Variants in ALDH1A3 observed in about 807,000 individuals in gnomAD.
The protein encoded by ALDH1A3 is retinaldehyde dehydrogenase 3.
Under a neutral mutation model 57.5 loss-of-function variants are expected in ALDH1A3, and 28 were observed. The ratio of observed to expected loss-of-function variants is 0.49; its 90% CI spans 0.36 to 0.67. The LOEUF is 0.67. ALDH1A3 is among the 30% of genes least tolerant of loss of function. The pLI, the probability that ALDH1A3 is intolerant of heterozygous loss-of-function variation, is 0.00. For missense variants in ALDH1A3, 507 were observed against 669.4 expected (o/e 0.76, Z 2.68); for synonymous variants, 281 against 264.8 (o/e 1.06, Z -0.59).
At chr15:100,882,088 G>A (rs955074607) in intron 1 of ALDH1A3, among the ~76,000 whole-genome samples, 3 of 152,220 alleles carry the variant, frequency 2.0e-5, no homozygotes, top group African/African-American at 4.8e-5. Context: ...GAGAGCAGAC[G>A]GTGGAGCATG....
intron 2 of ALDH1A3, among the ~76,000 whole-genome samples, chr15:100,885,766 CTT>C (rs776780786): frequency 6.6e-6 from 1 of 151,224 alleles, no homozygotes; most frequent in Non-Finnish European, 1.5e-5. Context: ...GCAGAAGACA[CTT>C]TAGAAAAAAA....
intron 6 of ALDH1A3, chr15:100,895,449 C>CA (rs796542093): frequency 0.037 from 4,845 of 131,796 alleles, 214 homozygotes; most frequent in African/African-American, 0.12. Flanking sequence ...GACTCCATCT[C>CA]AAAAAAAAAA....
Position 100,892,617 on chromosome 15 carries a change from C to A in ALDH1A3, c.453C>A (p.Ile151=), listed in dbSNP as rs758397848. 4.0e-5 allele frequency: 65 copies of A among 1,612,942 alleles called. No homozygotes were observed. The highest frequency in any genetic ancestry group is 4.2e-5 in the Non-Finnish European group (50 of 1,179,710). The change falls in exon 4 of 13, where the codon ATC becomes ATA. Residue 151 remains isoleucine (I), a synonymous_variant. Transcript: ENST00000329841. Reference sequence around the variant, plus strand: ...ACTTTGCAGGGTGGGCAGACAAAATCCAGGGCAAGACCATCCCCACAGGTG... The same window carrying A: ...ACTTTGCAGGGTGGGCAGACAAAATACAGGGCAAGACCATCCCCACAGGTG... ...LRYFAGWADK[I]QGKTIPTDDN... is the part of the protein sequence containing the mutation.
chr15:100,898,332 G>C (rs1009773043), intron 8 of ALDH1A3, 147 bp downstream of exon 8: 2 of 636,048 alleles, frequency 3.1e-6, no homozygotes, highest in Non-Finnish European at 5.2e-6. Flanking sequence ...CCTGCCCACA[G>C]TCAGCCAGCC....
At position 100,906,323 on chromosome 15, in the gene ALDH1A3, G is replaced by T. The variant is rs923788787; in HGVS notation, c.1233+636G>T. ...GTAAGAGGAGAGCTGGATCCCAGGA[G>T]GTTAGACCCTGGAGGTGGTATTTTG... On this transcript the variant is annotated intron_variant, in intron 10 of 12. Coordinates refer to ENST00000329841, the MANE Select transcript of ALDH1A3 (RefSeq NM_000693.4). This position sits in a 1 kb window ranked among gnomAD's most constrained non-coding sequence, Gnocchi z 4.8. 6.6e-6 allele frequency among the ~76,000 whole-genome samples: 1 copy of T among 152,220 alleles called. No homozygotes were observed. Among genetic ancestry groups the T allele is most frequent in the African/African-American group, 2.4e-5 (1 of 41,450 alleles).
At chr15:100,892,189 T>G (rs968735135) in intron 3 of ALDH1A3, 144 of 311,220 alleles carry the variant, frequency 4.6e-4, no homozygotes, top group Middle Eastern at 1.1e-3. Context: ...GAAGATCAGA[T>G]GCCAGTGTGC....
In ALDH1A3 at chr15:100,898,201, C is replaced by G; in HGVS notation, c.883+16C>G. 6.2e-7 allele frequency: 1 copy of G among 1,609,190 alleles called. No individual in the cohort carries two copies. Among genetic ancestry groups the G allele is most frequent in the Non-Finnish European group, 8.5e-7 (1 of 1,176,016 alleles). On this transcript the variant is annotated intron_variant, in intron 8 of 12. Transcript: ENST00000329841. The stretch of plus-strand genomic sequence containing the variant: ...GACGCTGACTGTGAGTCTCTGCCCT[C>G]CTGGGCTTTGCTGGGGCTTCAGGGC...
Position 100,892,965 on chromosome 15 carries a change from A to T in ALDH1A3, c.496A>T (p.Thr166Ser). 1 of 1,614,052 alleles carries T rather than the reference A, an allele frequency of 6.2e-7. No homozygotes were observed. Among genetic ancestry groups the T allele is most frequent in the South Asian group, 1.1e-5 (1 of 91,064 alleles). The change falls in exon 5 of 13, where the codon ACC (threonine) becomes TCC (serine). Residue 166 changes from threonine (T) to serine (S), a missense_variant. Thr to Ser is a moderately conservative substitution (Grantham distance 58, BLOSUM62 1). This residue lies in a region of ALDH1A3 where 432 missense variants were observed against 608.4 expected (regional missense o/e 0.71). Transcript: ENST00000329841. ...TCCAGATGACAACGTCGTGTGCTTC[A>T]CCAGGCATGAGCCCATTGGTGTCTG... ...IPTDDNVVCF[T>S]RHEPIGVCGA... is the part of the protein sequence containing the mutation.
At chr15:100,880,369 G>C in intron 1 of ALDH1A3, 1 of 372,584 alleles carries the variant, frequency 2.7e-6, no homozygotes, top group East Asian at 3.9e-5. Context: ...GTTTTGGGGA[G>C]CTCCCTCCCC....
intron 9 of ALDH1A3, among the ~76,000 whole-genome samples, chr15:100,902,980 G>T (rs1381437634): frequency 2.6e-5 from 4 of 152,210 alleles, no homozygotes; most frequent in Non-Finnish European, 1.5e-5. Context: ...GCAGCATCTG[G>T]AACTGTTAAC....
intron 11 of ALDH1A3, among the ~76,000 whole-genome samples, chr15:100,908,133 G>T (rs1398404937): frequency 6.6e-6 from 1 of 152,066 alleles, no homozygotes; most frequent in Non-Finnish European, 1.5e-5. Context: ...ACAGGCATAA[G>T]TCATCATGCC....
At chr15:100,881,465 A>T (rs1185682205) in intron 1 of ALDH1A3, 2 of 152,358 alleles carry the variant, frequency 1.3e-5, no homozygotes, top group East Asian at 3.9e-4. Flanking sequence ...ATTTCAAAAT[A>T]CTGTATATAG....
chr15:100,880,361 T>C, intron 1 of ALDH1A3: 1 of 372,512 alleles, frequency 2.7e-6, no homozygotes. Context: ...GCGCGCTGGT[T>C]TTGGGGAGCT....
intron 12 of ALDH1A3, among the ~76,000 whole-genome samples, chr15:100,911,726 A>T (rs1299016971): frequency 3.3e-5 from 5 of 152,242 alleles, no homozygotes; most frequent in Admixed American, 6.5e-5. Context: ...GAGATGTCCC[A>T]CTGGGTTGAA....
rs2041584438 is a variant in ALDH1A3 at position 100,885,303 on chromosome 15, G to A, written c.136G>A (p.Gly46Arg). The A allele has an allele frequency of 1.2e-6, 2 of 1,613,864 alleles. No homozygotes were observed. Among genetic ancestry groups the A allele is most frequent in the African/African-American group, 1.3e-5 (1 of 74,928 alleles). The change falls in exon 2 of 13, where the codon GGG (glycine) becomes AGG (arginine). Residue 46 changes from glycine to arginine, a missense_variant. This residue lies in a region of ALDH1A3 where 432 missense variants were observed against 608.4 expected (regional missense o/e 0.71). Coordinates refer to ENST00000329841, the MANE Select transcript of ALDH1A3 (RefSeq NM_000693.4). ...CAATGAATGGCACGAATCCAAGAGT[G>A]GGAAAAAGTTTGCTACATGTAACCC... is the stretch of plus-strand genomic sequence containing the variant. ...INNEWHESKS[G>R]KKFATCNPST...
chr15:100,881,580 T>C (rs2041548480), intron 1 of ALDH1A3: 1 of 152,190 alleles, frequency 6.6e-6, no homozygotes, highest in Non-Finnish European at 1.5e-5. Flanking sequence ...CTATGATTTT[T>C]AGGACACTTT....
intron 12 of ALDH1A3, 90 bp downstream of exon 12, chr15:100,908,572 C>A (rs2041849578): frequency 4.2e-6 from 5 of 1,198,238 alleles, no homozygotes; most frequent in Non-Finnish European, 4.9e-6. Flanking sequence ...AATCTGCTGA[C>A]ACCCCGTCCC....
rs1277590120 is a variant in ALDH1A3, at chr15:100,893,898, T to TG, written c.538-53dup. 6.3e-7 allele frequency: 1 copy of TG among 1,580,508 alleles called. No individual in the cohort carries two copies. The highest frequency in any genetic ancestry group is 8.6e-7 in the Non-Finnish European group (1 of 1,165,914). On this transcript the variant is annotated intron_variant, in intron 5 of 12. Coordinates refer to ENST00000329841, the MANE Select transcript of ALDH1A3 (RefSeq NM_000693.4). This position sits in a 1 kb window ranked among gnomAD's most constrained non-coding sequence, Gnocchi z 4.8. ...CTCCACAAAGGCATCGTTGAGCACA[T>TG]GGGACAGGGTAAGAGGGTGGATCTG...
rs1264129324 is a variant in ALDH1A3 at position 100,893,134 on chromosome 15, GCATGGAACTC to G, written c.537+133_537+142del. The G allele has an allele frequency of 1.2e-6, 1 of 803,458 alleles. No individual in the cohort carries two copies. The highest frequency in any genetic ancestry group is 1.9e-6 in the Non-Finnish European group (1 of 519,530). The allele number at this position is 803,458 out of a possible 1,614,324, so 49.8% of individuals were successfully genotyped here. On this transcript the variant is annotated intron_variant, in intron 5 of 12. Coordinates refer to ENST00000329841, the MANE Select transcript of ALDH1A3 (RefSeq NM_000693.4). This position sits in a 1 kb window ranked among gnomAD's most constrained non-coding sequence, Gnocchi z 4.8. Reference sequence around the variant, plus strand: ...GCGTTGAACAAGCATTTTCTTCGTGGCATGGAACTCCATGCTTGGGGGCTCTTGAGATGGA... The same window carrying G: ...GCGTTGAACAAGCATTTTCTTCGTGGCATGCTTGGGGGCTCTTGAGATGGA...
Sources: gnomAD v4.1 joint callset for allele counts (sites outside exome capture counted in the v4.1 genomes callset) on GRCh38, gnomAD v4.1.1 for gene constraint, gnomAD v4.1.1 regional missense constraint, Gnocchi (gnomAD v3.1) non-coding constraint, MANE v1.5 for transcripts, NCBI Gene and HGNC (gene_info 2026-07-23, HGNC 2026-07-21) for gene names.